Variants in RABL2A observed in about 807,000 individuals in gnomAD.
RABL2A encodes the protein RAB, member of RAS oncogene family like 2A.
RABL2A carries 17 observed loss-of-function variants against 30.7 expected under a neutral mutation model. That is an observed-to-expected ratio of 0.55 (90% CI 0.38 to 0.83). The LOEUF (loss-of-function observed/expected upper bound fraction) is 0.83, where lower values mean the gene tolerates loss of function less well. Among genes scored for constraint, RABL2A ranks in the 40% least tolerant of loss-of-function variants. The pLI is 0.00. For missense variants in RABL2A, 155 were observed against 272.6 expected (o/e 0.57, Z 3.04); for synonymous variants, 64 against 101.8 (o/e 0.63, Z 2.24).
At chr2:113,634,635 T>C (rs974615683) in intron 4 of RABL2A, 1 of 406,054 alleles carries the variant, frequency 2.5e-6, no homozygotes, top group Non-Finnish European at 4.6e-6. Context: ...GCTGCGACCT[T>C]CCATCGGGTC....
rs574570475 is a variant in RABL2A, at chr2:113,628,560, T to C, written c.-47T>C. 1 of 1,002,350 alleles carries C rather than the reference T, an allele frequency of 1.0e-6. No individual in the cohort carries two copies. Among genetic ancestry groups the C allele is most frequent in the East Asian group, 2.7e-5 (1 of 37,568 alleles). The allele number at this position is 1,002,350 out of a possible 1,614,324, so 62.1% of individuals were successfully genotyped here. On this transcript the variant is annotated 5_prime_UTR_variant, in exon 2 of 9. Coordinates refer to ENST00000683472, the MANE Select transcript of RABL2A (RefSeq NM_001306158.2). ...TGTTGATCTTCCCAGACAGTGACAA[T>C]ACCCTCCCCTCCCTTGGGCTGGACC...
intron 5 of RABL2A, chr2:113,635,609 A>G (rs1682326272): frequency 4.3e-6 from 1 of 234,106 alleles, no homozygotes. Context: ...CGCAGTCCTC[A>G]CGGCTCCACC....
Position 113,628,776 on chromosome 2 carries a change from C to A in RABL2A, c.107+63C>A, listed in dbSNP as rs1679093834. On this transcript the variant is annotated intron_variant, in intron 2 of 8. Transcript: ENST00000683472. Reference sequence around the variant, plus strand: ...AGAGGGTCCAGGTCATTTAAAAAGTCCTCCAGAGGCAGAGGAGCATGGCTT... The same window carrying A: ...AGAGGGTCCAGGTCATTTAAAAAGTACTCCAGAGGCAGAGGAGCATGGCTT... 7.5e-6 allele frequency: 6 copies of A among 805,060 alleles called. No homozygotes were observed. The East Asian group carries it at 1.6e-4, about 22-fold the overall frequency. 49.9% of individuals were successfully genotyped at this position (805,060 alleles called of 1,614,324 possible).
intron 2 of RABL2A, among the ~76,000 whole-genome samples, chr2:113,629,007 C>T (rs1047191870): frequency 4.0e-5 from 6 of 150,374 alleles, no homozygotes; most frequent in Non-Finnish European, 8.9e-5. Context: ...ATGGCAAGGG[C>T]GGGGAGTGGG....
At chr2:113,629,603 C>T (rs1379794702) in intron 2 of RABL2A, among the ~76,000 whole-genome samples, 13 of 151,322 alleles carry the variant, frequency 8.6e-5, no homozygotes, top group African/African-American at 1.7e-4. Context: ...GACGTGATCT[C>T]GGCTCACTGC....
In RABL2A at chr2:113,642,090, C is replaced by T. The variant is rs770260205; in HGVS notation, c.651C>T (p.Ile217=). The T allele has an allele frequency of 1.5e-5, 24 of 1,613,460 alleles. No individual in the cohort carries two copies. The highest frequency in any genetic ancestry group is 6.6e-5 in the South Asian group (6 of 91,066). ...CAGACCAGGAACAGAGCAGCAGCATCGAGACCCCATCAGAGGAGGTGGCCT... is the reference window on the plus strand; with the variant it reads ...CAGACCAGGAACAGAGCAGCAGCATTGAGACCCCATCAGAGGAGGTGGCCT... ...DVPDQEQSSS[I]ETPSEEVASP... is the part of the protein sequence containing the mutation. Residue 217 remains isoleucine (I), a synonymous_variant, in exon 9 of 9, where the codon ATC becomes ATT. Coordinates refer to ENST00000683472, the MANE Select transcript of RABL2A (RefSeq NM_001306158.2).
intron 5 of RABL2A, chr2:113,635,629 C>A (rs546105551): frequency 1.0e-5 from 2 of 198,106 alleles, no homozygotes; most frequent in Non-Finnish European, 2.1e-5. Context: ...CCTGGTGACC[C>A]GGGTGTGGTG....
At position 113,643,285 on chromosome 2, in the gene RABL2A, T is replaced by A. The variant is rs1046221625; in HGVS notation, c.*1156T>A. The A allele has an allele frequency of 1.1e-5, 4 of 350,896 alleles. No homozygotes were observed. In the Admixed American group the frequency reaches 1.6e-4, roughly 14 times the overall value. The allele number at this position is 350,896 out of a possible 1,614,324, so 21.7% of individuals were successfully genotyped here. On this transcript the variant is annotated 3_prime_UTR_variant, in exon 9 of 9. Transcript: ENST00000683472. ...TTCACCCCTCTCTGGTACTTGTGGC[T>A]TGCTAGTATGTTTTTATGATAATCT...
At chr2:113,638,654 G>A (rs1249987696) in intron 5 of RABL2A, 1 of 694,454 alleles carries the variant, frequency 1.4e-6, no homozygotes, top group Non-Finnish European at 1.8e-6. Flanking sequence ...GATCACCTGA[G>A]GTCAGGAGTT....
Position 113,642,147 on chromosome 2 carries a change from T to C in RABL2A, c.*18T>C. On this transcript the variant is annotated 3_prime_UTR_variant, in exon 9 of 9. Coordinates refer to ENST00000683472, the MANE Select transcript of RABL2A (RefSeq NM_001306158.2). The stretch of plus-strand genomic sequence containing the variant: ...ACAGCTGAGGGGCTGGGGCTAGGGG[T>C]GGGTGGAGCCCTTTTAAAATACCCT... 1.2e-6 allele frequency: 2 copies of C among 1,613,430 alleles called. No homozygotes were observed. The highest frequency in any genetic ancestry group is 1.7e-6 in the Non-Finnish European group (2 of 1,179,760).
rs1169647422 is a variant in RABL2A, at chr2:113,643,363, T to A, written c.*1234T>A. The A allele has an allele frequency of 1.2e-5, 4 of 341,528 alleles. No homozygotes were observed. The East Asian group carries it at 3.4e-4, about 29-fold the overall frequency. The allele number at this position is 341,528 out of a possible 1,614,324, so 21.2% of individuals were successfully genotyped here. A position where few individuals can be genotyped will look rare whatever the true frequency, so the allele number is the denominator to read the frequency against. On this transcript the variant is annotated 3_prime_UTR_variant, in exon 9 of 9. Coordinates refer to ENST00000683472, the MANE Select transcript of RABL2A (RefSeq NM_001306158.2). Reference sequence around the variant, plus strand: ...ATAGGGTTTTGTTTTTATTGTTTCCTTTTTTACAGTAAAGGCTGAATGACA... The same window carrying A: ...ATAGGGTTTTGTTTTTATTGTTTCCATTTTTACAGTAAAGGCTGAATGACA...
chr2:113,629,781 G>A (rs1739509), intron 2 of RABL2A, among the ~76,000 whole-genome samples: 51,933 of 151,836 alleles, frequency 0.34, 9,932 homozygotes, highest in African/African-American at 0.52. Flanking sequence ...CTCGTGATCC[G>A]CCCACCTCAG....
intron 5 of RABL2A, among the ~76,000 whole-genome samples, chr2:113,637,043 A>T (rs1449770491): frequency 1.3e-5 from 2 of 152,122 alleles, no homozygotes; most frequent in African/African-American, 2.4e-5. Flanking sequence ...CATAGCATTT[A>T]GACACCCACC....
chr2:113,637,649 A>T, intron 5 of RABL2A: 1 of 1,261,980 alleles, frequency 7.9e-7, no homozygotes, highest in Non-Finnish European at 1.0e-6. Context: ...ATAACTGTTA[A>T]GGTACTAAAC....
intron 5 of RABL2A, among the ~76,000 whole-genome samples, chr2:113,637,000 AAAAAT>A (rs1225336933): frequency 6.3e-5 from 9 of 143,702 alleles, no homozygotes; most frequent in Admixed American, 4.3e-4. Context: ...AAAAAAATAA[AAAAAT>A]AAAAAAATAA....
At chr2:113,640,532 C>T (rs2595122) in intron 5 of RABL2A, 28 of 307,864 alleles carry the variant, frequency 9.1e-5, no homozygotes, top group African/African-American at 2.4e-4. Flanking sequence ...TGCGCCACCA[C>T]GCCCAGCTAA....
chr2:113,634,950 A>G, intron 4 of RABL2A, 101 bp from the exon 5 acceptor site: 5 of 1,227,466 alleles, frequency 4.1e-6, no homozygotes, highest in Non-Finnish European at 6.0e-6. Context: ...CCCCATGTAC[A>G]CTCACACATG....
chr2:113,629,818 A>G (rs575186961), intron 2 of RABL2A, among the ~76,000 whole-genome samples: 83 of 152,240 alleles, frequency 5.5e-4, no homozygotes, highest in African/African-American at 1.5e-3. Context: ...GATTATAGGC[A>G]TGAGCCACCG....
chr2:113,630,096 C>G (rs1679750972), intron 2 of RABL2A, among the ~76,000 whole-genome samples: 1 of 152,088 alleles, frequency 6.6e-6, no homozygotes, highest in South Asian at 2.1e-4. Flanking sequence ...CTTTATATGC[C>G]TCATTTCAAA....
Sources: gnomAD v4.1 joint callset for allele counts (sites outside exome capture counted in the v4.1 genomes callset) on GRCh38, gnomAD v4.1.1 for gene constraint, MANE v1.5 for transcripts, NCBI Gene and HGNC (gene_info 2026-07-23, HGNC 2026-07-21) for gene names.